MCUB: variants seen among roughly 807,000 people sequenced by gnomAD.
MCUB encodes the protein mitochondrial calcium uniporter dominant negative subunit beta, also known as calcium uniporter regulatory subunit MCUb, mitochondrial.
In MCUB, 46 loss-of-function variants were observed where a neutral mutation model predicts 41.4. The ratio of observed to expected loss-of-function variants is 1.11; its 90% confidence interval spans 0.88 to 1.42. The LOEUF is 1.42. MCUB is among the 40% of genes most tolerant of loss of function. The pLI is 0.00. For missense variants in MCUB, 403 were observed against 404.9 expected, an observed-to-expected ratio of 1.00 and a Z score of 0.04; for synonymous variants, 148 against 148.2, an observed-to-expected ratio of 1.00 and a Z score of 0.01.
chr4:109,684,964 T>C, intron 6 of MCUB: 1 of 390,986 alleles, frequency 2.6e-6, no homozygotes, highest in Non-Finnish European at 4.5e-6. Flanking sequence ...CTTTGCCTCA[T>C]GGTTATTTAA....
intron 1 of MCUB, among the ~76,000 whole-genome samples, chr4:109,565,893 C>T (rs1319209495): frequency 6.8e-6 from 1 of 147,942 alleles, no homozygotes; most frequent in East Asian, 2.0e-4. Flanking sequence ...GGCTGAAGTG[C>T]AATGCTGTAA....
At position 109,603,967 on chromosome 4, in the gene MCUB, AAG is replaced by A. The variant is rs1263032152; in HGVS notation, c.99+43537_99+43538del. 2.6e-5 allele frequency among the ~76,000 whole-genome samples: 4 copies of A among 152,192 alleles called. No individual in the cohort carries two copies. The East Asian group carries it at 7.7e-4, about 29-fold the overall frequency. ...AAAAGGGGGAAATGTGGGGAAAAGAAAGAGAGATCAGATTGTTACTGTGTCTG... is the reference window on the plus strand; with the variant it reads ...AAAAGGGGGAAATGTGGGGAAAAGAAAGAGATCAGATTGTTACTGTGTCTG... On this transcript the variant is annotated intron_variant, in intron 1 of 7. Transcript: ENST00000394650.
At chr4:109,563,697 G>C (rs947086605) in intron 1 of MCUB, among the ~76,000 whole-genome samples, 1 of 152,118 alleles carries the variant, frequency 6.6e-6, no homozygotes, top group African/African-American at 2.4e-5. Flanking sequence ...TGATTAAATG[G>C]TATTAGTGCT....
chr4:109,607,552 A>G (rs1490618198), intron 1 of MCUB, among the ~76,000 whole-genome samples: 1 of 152,146 alleles, frequency 6.6e-6, no homozygotes, highest in Non-Finnish European at 1.5e-5. Flanking sequence ...TCTCTTTAGC[A>G]TTTCTTGTAG....
chr4:109,622,613 G>A (rs1025842544), intron 1 of MCUB, among the ~76,000 whole-genome samples: 24 of 152,188 alleles, frequency 1.6e-4, no homozygotes, highest in African/African-American at 4.6e-4. Context: ...AACCAATAAT[G>A]TAGATTGTAA....
chr4:109,621,633 A>G (rs1728252091), intron 1 of MCUB, among the ~76,000 whole-genome samples: 1 of 152,234 alleles, frequency 6.6e-6, no homozygotes, highest in Non-Finnish European at 1.5e-5. Flanking sequence ...GGCCGTACAC[A>G]GAAGAAATAA....
At chr4:109,675,223 T>C (rs1487289943) in intron 4 of MCUB, among the ~76,000 whole-genome samples, 1 of 152,276 alleles carries the variant, frequency 6.6e-6, no homozygotes, top group African/African-American at 2.4e-5. Flanking sequence ...CCCATGCTTC[T>C]GAAAGAGCAG....
chr4:109,631,279 A>G (rs1210863651), intron 1 of MCUB, among the ~76,000 whole-genome samples: 2 of 152,182 alleles, frequency 1.3e-5, no homozygotes, highest in Non-Finnish European at 2.9e-5. Context: ...TCTGATGTCA[A>G]CACATTTCTA....
chr4:109,623,377 T>C (rs995984106), intron 1 of MCUB, among the ~76,000 whole-genome samples: 2 of 152,242 alleles, frequency 1.3e-5, no homozygotes, highest in African/African-American at 2.4e-5. Flanking sequence ...GATCCTATTA[T>C]ACACAAGTGT....
chr4:109,643,747 G>T (rs1433695956), intron 1 of MCUB, among the ~76,000 whole-genome samples: 1 of 147,762 alleles, frequency 6.8e-6, no homozygotes, highest in African/African-American at 2.5e-5. Flanking sequence ...CAGGTGATCC[G>T]CCCACCTCAG....
intron 1 of MCUB, among the ~76,000 whole-genome samples, chr4:109,616,750 T>C (rs752187594): frequency 6.6e-6 from 1 of 152,160 alleles, no homozygotes; most frequent in Non-Finnish European, 1.5e-5. Flanking sequence ...TACAAGCATG[T>C]TTGTATATAA....
At chr4:109,566,662 G>C (rs1726785494) in intron 1 of MCUB, among the ~76,000 whole-genome samples, 1 of 152,086 alleles carries the variant, frequency 6.6e-6, no homozygotes, top group African/African-American at 2.4e-5. Context: ...GGCAATTTTA[G>C]GGATGAAAAG....
At chr4:109,685,833 G>A (rs1480628664) in intron 7 of MCUB, among the ~76,000 whole-genome samples, 1 of 152,164 alleles carries the variant, frequency 6.6e-6, no homozygotes, top group Non-Finnish European at 1.5e-5. Context: ...ACGAACACAA[G>A]TTTGATTTCG....
rs774598514 is a variant in MCUB, at chr4:109,684,547, G to A, written c.717G>A (p.Thr239=). Residue 239 remains threonine, a synonymous_variant, in exon 6 of 8, where the codon ACG becomes ACA. Coordinates refer to ENST00000394650, the MANE Select transcript of MCUB (RefSeq NM_017918.5). ...SIQGGALAWL[T]WWVYSWDIME... ...AGGGTGGGGCACTGGCCTGGCTCAC[G>A]TGGTGGGTGTACTCCTGGGATATCA... is the stretch of plus-strand genomic sequence containing the variant. 19 of 1,611,100 alleles carry A rather than the reference G, an allele frequency of 1.2e-5. 1 individual carries two copies. The South Asian group carries it at 1.3e-4, about 11-fold the overall frequency.
At chr4:109,598,966 A>C (rs1467014495) in intron 1 of MCUB, among the ~76,000 whole-genome samples, 1 of 152,238 alleles carries the variant, frequency 6.6e-6, no homozygotes, top group Non-Finnish European at 1.5e-5. Context: ...CTAGGCATTA[A>C]TCATTTATGA....
Position 109,577,856 on chromosome 4 carries a change from C to T in MCUB, c.99+17420C>T, listed in dbSNP as rs1345702133. Among the ~76,000 whole-genome samples the T allele has an allele frequency of 2.4e-4, 7 of 28,716 alleles. 3 individuals carry two copies. The highest frequency in any genetic ancestry group is 2.1e-3 in the East Asian group (2 of 968). The allele number at this position is 28,716 out of a possible 152,430, so 18.8% of individuals were successfully genotyped here. On this transcript the variant is annotated intron_variant, in intron 1 of 7. Transcript: ENST00000394650. Reference sequence around the variant, plus strand: ...CGATCTCCTGACCTCGTGATCCGCCCGCCTCGGCCTCCCAAAGTGCTGGGA... The same window carrying T: ...CGATCTCCTGACCTCGTGATCCGCCTGCCTCGGCCTCCCAAAGTGCTGGGA...
intron 1 of MCUB, among the ~76,000 whole-genome samples, chr4:109,657,218 C>G (rs76057532): frequency 2.7e-5 from 3 of 111,410 alleles, no homozygotes; most frequent in African/African-American, 1.0e-4. Flanking sequence ...TATTCCATCT[C>G]AAAAAAAAAA....
intron 2 of MCUB, among the ~76,000 whole-genome samples, chr4:109,659,375 A>C (rs114958506): frequency 0.013 from 1,920 of 152,252 alleles, 39 homozygotes; most frequent in African/African-American, 0.044. Context: ...GGATCACTTC[A>C]GCTCAGGAGT....
At chr4:109,642,294 A>G (rs10488884) in intron 1 of MCUB, among the ~76,000 whole-genome samples, 13,559 of 152,192 alleles carry the variant, frequency 0.089, 661 homozygotes, top group Middle Eastern at 0.12. Flanking sequence ...AATACTACTG[A>G]GTGAGCCCTG....
Sources: gnomAD v4.1 joint callset for allele counts (sites outside exome capture counted in the v4.1 genomes callset) on GRCh38, gnomAD v4.1.1 for gene constraint, MANE v1.5 for transcripts, NCBI Gene and HGNC (gene_info 2026-07-23, HGNC 2026-07-21) for gene names.